Variants in KALRN observed in about 807,000 individuals in gnomAD.
KALRN encodes the protein kalirin RhoGEF kinase.
KALRN carries 70 observed loss-of-function variants against 353.7 expected under a neutral mutation model. The observed-to-expected ratio is 0.20, with a 90% CI of 0.16 to 0.24. The LOEUF (loss-of-function observed/expected upper bound fraction) is 0.24. Ranked by LOEUF, KALRN falls within the 10% of genes least tolerant of loss-of-function variation. KALRN has a pLI of 1.00. For missense variants in KALRN, 2,791 were observed against 3,756.7 expected, an observed-to-expected ratio of 0.74 and a Z score of 6.72; for synonymous variants, 1,391 against 1,434.8, an observed-to-expected ratio of 0.97 and a Z score of 0.69.
intron 33 of KALRN, among the ~76,000 whole-genome samples, chr3:124,536,246 G>A (rs1354965359): frequency 2.3e-5 from 3 of 130,758 alleles, no homozygotes; most frequent in Non-Finnish European, 4.6e-5. Flanking sequence ...TTGTCACCAA[G>A]GCTGGAGTGC....
At chr3:124,685,858 T>G (rs1258517968) in intron 51 of KALRN, among the ~76,000 whole-genome samples, 1 of 152,162 alleles carries the variant, frequency 6.6e-6, no homozygotes, top group Non-Finnish European at 1.5e-5. Context: ...CGTTGTACAC[T>G]AATGAGATTA....
intron 5 of KALRN, among the ~76,000 whole-genome samples, chr3:124,294,309 C>A (rs1416668176): frequency 1.3e-5 from 2 of 151,920 alleles, no homozygotes; most frequent in Admixed American, 6.6e-5. Context: ...GCTCAGTGGG[C>A]ACTCAGTGAA....
chr3:124,330,284 A>C (rs866869818), intron 8 of KALRN, among the ~76,000 whole-genome samples: 3 of 133,948 alleles, frequency 2.2e-5, no homozygotes, highest in African/African-American at 5.7e-5. Context: ...ACACACACAC[A>C]CACCCCATAC....
chr3:124,093,925 G>A (rs1398203260), intron 1 of KALRN, among the ~76,000 whole-genome samples: 1 of 152,150 alleles, frequency 6.6e-6, no homozygotes, highest in Non-Finnish European at 1.5e-5. Flanking sequence ...AAAGTCCTGG[G>A]GATAGAAAAC....
In KALRN at chr3:124,238,575, A is replaced by T. The variant is rs147366957; in HGVS notation, c.263+3632A>T. On this transcript the variant is annotated intron_variant, in intron 3 of 59. Transcript: ENST00000682506. The stretch of plus-strand genomic sequence containing the variant: ...GCATCATAAAATCCAGGGCCTCAGA[A>T]CAGAGTATTACCACCCCCACCAATA... Among the ~76,000 whole-genome samples, 372 of 152,326 alleles carry T rather than the reference A, an allele frequency of 2.4e-3. 2 individuals carry two copies. The highest frequency in any genetic ancestry group is 8.5e-3 in the African/African-American group (352 of 41,564).
intron 1 of KALRN, among the ~76,000 whole-genome samples, chr3:124,035,601 C>G (rs1199397202): frequency 6.6e-6 from 1 of 152,228 alleles, no homozygotes; most frequent in East Asian, 1.9e-4. Flanking sequence ...CTGTTCCAGG[C>G]ACCCGTAGCA....
intron 17 of KALRN, among the ~76,000 whole-genome samples, chr3:124,437,172 T>C (rs2093495530): frequency 6.6e-6 from 1 of 151,562 alleles, no homozygotes; most frequent in Non-Finnish European, 1.5e-5. Context: ...GTGACAGATC[T>C]TCTCATGTGA....
At chr3:124,415,578 A>G (rs2092450099) in intron 14 of KALRN, among the ~76,000 whole-genome samples, 1 of 152,252 alleles carries the variant, frequency 6.6e-6, no homozygotes, top group South Asian at 2.1e-4. Context: ...AAAGCCCTGT[A>G]CACAAGAGTA....
At chr3:124,603,815 G>A (rs1485158410) in intron 34 of KALRN, among the ~76,000 whole-genome samples, 3 of 152,150 alleles carry the variant, frequency 2.0e-5, no homozygotes, top group Non-Finnish European at 4.4e-5. Flanking sequence ...GGGGGCAAAA[G>A]GGGGAGAATG....
chr3:124,233,259 G>A (rs905983486), intron 2 of KALRN, among the ~76,000 whole-genome samples: 1 of 152,208 alleles, frequency 6.6e-6, no homozygotes, highest in Admixed American at 6.5e-5. Context: ...TGAGGTCAAG[G>A]ATAGAGGGGA....
chr3:124,053,560 G>A (rs986737384), intron 1 of KALRN, among the ~76,000 whole-genome samples: 1 of 152,240 alleles, frequency 6.6e-6, no homozygotes. Context: ...GCTTTCTACT[G>A]TAAAAGGGTT....
At chr3:124,580,384 G>GGGGT (rs1398227667) in intron 34 of KALRN, among the ~76,000 whole-genome samples, 23 of 148,532 alleles carry the variant, frequency 1.5e-4, no homozygotes, top group Non-Finnish European at 2.5e-4. Flanking sequence ...GGGGAGGGGG[G>GGGGT]ACTCAGGCAG....
rs1411906986 is a variant in KALRN at position 124,234,842 on chromosome 3, G to A, written c.162G>A (p.Lys54=). ...KVAFVSGGRD[K]RGGPILTFPA... is the part of the protein sequence containing the mutation. ...TCCTTCTTGCAGGGGGTCGTGATAAGCGAGGCGGACCCATCCTGACCTTCC... is the reference window on the plus strand; with the variant it reads ...TCCTTCTTGCAGGGGGTCGTGATAAACGAGGCGGACCCATCCTGACCTTCC... The change falls in exon 3 of 60, where the codon AAG becomes AAA. Residue 54 remains lysine (K), a synonymous_variant. Transcript: ENST00000682506. 3 of 1,602,176 alleles carry A rather than the reference G, an allele frequency of 1.9e-6. No individual in the cohort carries two copies. Among genetic ancestry groups the A allele is most frequent in the East Asian group, 2.3e-5 (1 of 44,370 alleles).
intron 1 of KALRN, among the ~76,000 whole-genome samples, chr3:124,167,875 C>G (rs572441989): frequency 6.6e-6 from 1 of 152,308 alleles, no homozygotes; most frequent in South Asian, 2.1e-4. Flanking sequence ...CTTTCCAGTA[C>G]AGTTCTCAAT....
intron 33 of KALRN, among the ~76,000 whole-genome samples, chr3:124,531,207 A>G (rs573201996): frequency 4.6e-5 from 7 of 152,360 alleles, no homozygotes; most frequent in South Asian, 2.1e-4. Context: ...GAGCCCAGGA[A>G]AAGCAATTGA....
intron 1 of KALRN, among the ~76,000 whole-genome samples, chr3:124,131,911 T>A (rs2149699699): frequency 6.6e-6 from 1 of 152,276 alleles, no homozygotes; most frequent in Middle Eastern, 3.4e-3. Flanking sequence ...CTCTGTAAAA[T>A]GGGGGAAATG....
At chr3:124,363,568 G>A (rs1437246355) in intron 10 of KALRN, among the ~76,000 whole-genome samples, 2 of 152,096 alleles carry the variant, frequency 1.3e-5, no homozygotes, top group Non-Finnish European at 2.9e-5. Context: ...TATTTTTCAG[G>A]GGATATGGTG....
At position 124,491,313 on chromosome 3, in the gene KALRN, C is replaced by T. The variant is rs777120267; in HGVS notation, c.4588-10C>T. 2 of 1,568,032 alleles carry T rather than the reference C, an allele frequency of 1.3e-6. No individual in the cohort carries two copies. Among genetic ancestry groups the T allele is most frequent in the African/African-American group, 1.4e-5 (1 of 73,360 alleles). ...CTTCCCCGCCTCTCATAGGCATTTC[C>T]TGTCTACAGACCTCAGAGCTGGGTG... On this transcript the variant is annotated splice_polypyrimidine_tract_variant and intron_variant, in intron 30 of 59. Coordinates refer to ENST00000682506, the MANE Select transcript of KALRN (RefSeq NM_001388419.1).
At chr3:124,259,576 A>T (rs1204795349) in intron 3 of KALRN, among the ~76,000 whole-genome samples, 1 of 152,196 alleles carries the variant, frequency 6.6e-6, no homozygotes, top group Non-Finnish European at 1.5e-5. Context: ...CACAGTAAGT[A>T]AATGATGGGG....
Sources: gnomAD v4.1 joint callset for allele counts (sites outside exome capture counted in the v4.1 genomes callset) on GRCh38, gnomAD v4.1.1 for gene constraint, MANE v1.5 for transcripts, NCBI Gene and HGNC (gene_info 2026-07-23, HGNC 2026-07-21) for gene names.